The following KIF26B variants were observed in gnomAD, a reference collection of about 807,000 sequenced individuals.
KIF26B encodes the protein kinesin family member 26B.
A neutral mutation model predicts 151.2 loss-of-function variants in KIF26B; 63 were observed. That is an observed-to-expected ratio of 0.42 (90% CI 0.34 to 0.51). The LOEUF is 0.51. Ranked by LOEUF, KIF26B falls within the 20% of genes least tolerant of loss-of-function variation. The probability of loss-of-function intolerance (pLI) is 0.07; values close to 1 mark genes in which losing one functional copy is unlikely to be tolerated. For missense variants in KIF26B, 2,813 were observed against 2,913.6 expected (o/e 0.97, Z 0.79); for synonymous variants, 1,357 against 1,262.1 (o/e 1.08, Z -1.59).
Position 245,698,963 on chromosome 1 carries a change from A to G in KIF26B, c.6104A>G (p.Tyr2035Cys), listed in dbSNP as rs2044733392. The change falls in exon 14 of 15, where the codon TAC (tyrosine) becomes TGC (cysteine). Residue 2035 changes from tyrosine (Y) to cysteine (C), a missense_variant. By Grantham distance (194) the Tyr-to-Cys change is radical. Around this residue, in one of 3 missense-constraint regions of KIF26B, gnomAD observed 2,060 missense variants for 2,088.6 expected, o/e 0.99. Coordinates refer to ENST00000407071, the MANE Select transcript of KIF26B (RefSeq NM_018012.4). The surrounding 1 kb of genome is among the most constrained non-coding windows in gnomAD (Gnocchi z 4.0). ...AGGATCGCCGAGGTCCGCGCGAAGT[A>G]CGAGTGGCTGATGAAGGAGCTGGAG... ...QQRIAEVRAK[Y>C]EWLMKELEAT... is the part of the protein sequence containing the mutation. 1.2e-6 allele frequency: 2 copies of G among 1,614,054 alleles called. No individual in the cohort carries two copies. Among genetic ancestry groups the G allele is most frequent in the Non-Finnish European group, 8.5e-7 (1 of 1,179,900 alleles).
At position 245,218,741 on chromosome 1, in the gene KIF26B, G is replaced by T. The variant is rs1037087173; in HGVS notation, c.465+62058G>T. On this transcript the variant is annotated intron_variant, in intron 2 of 14. Coordinates refer to ENST00000407071, the MANE Select transcript of KIF26B (RefSeq NM_018012.4). The surrounding 1 kb of genome is among the most constrained non-coding windows in gnomAD (Gnocchi z 4.1). The stretch of plus-strand genomic sequence containing the variant: ...AAGCAAATATACATGGTACCTTGCC[G>T]TAGGGGGGCTTTATGTTTCTAAATC... 7.2e-5 allele frequency among the ~76,000 whole-genome samples: 11 copies of T among 152,274 alleles called. 3 individuals are homozygous for T. Among genetic ancestry groups the T allele is most frequent in the Admixed American group, 5.9e-4 (9 of 15,294 alleles).
chr1:245,657,577 T>C (rs2044088504), intron 10 of KIF26B, among the ~76,000 whole-genome samples: 1 of 152,152 alleles, frequency 6.6e-6, no homozygotes. Context: ...AACCCTTTTG[T>C]GGCCTATGGA....
intron 2 of KIF26B, among the ~76,000 whole-genome samples, chr1:245,174,885 T>G (rs1169184710): frequency 6.6e-6 from 1 of 152,208 alleles, no homozygotes; most frequent in South Asian, 2.1e-4. Context: ...TGCAGGTGTC[T>G]CATGCTTCCT....
At chr1:245,168,454 A>C (rs1668651207) in intron 2 of KIF26B, among the ~76,000 whole-genome samples, 1 of 152,264 alleles carries the variant, frequency 6.6e-6, no homozygotes, top group Non-Finnish European at 1.5e-5. Context: ...GAAATAGACA[A>C]ACAAAAGGAC....
chr1:245,288,545 G>A (rs994987015), intron 2 of KIF26B, among the ~76,000 whole-genome samples: 1 of 152,180 alleles, frequency 6.6e-6, no homozygotes, highest in East Asian at 1.9e-4. Context: ...AAAGATTGGG[G>A]GTCCATCAGG....
At chr1:245,204,251 A>G (rs970324031) in intron 2 of KIF26B, among the ~76,000 whole-genome samples, 1 of 152,204 alleles carries the variant, frequency 6.6e-6, no homozygotes, top group Non-Finnish European at 1.5e-5. Context: ...GGCTTCATGG[A>G]TGGTAATAAT....
At chr1:245,528,305 A>G (rs964194701) in intron 4 of KIF26B, among the ~76,000 whole-genome samples, 7 of 152,186 alleles carry the variant, frequency 4.6e-5, no homozygotes, top group African/African-American at 1.7e-4. Flanking sequence ...AGGCGTGGCC[A>G]GGTCATCAGT....
intron 5 of KIF26B, among the ~76,000 whole-genome samples, chr1:245,593,939 T>C (rs2043315801): frequency 1.3e-5 from 2 of 152,250 alleles, no homozygotes; most frequent in South Asian, 4.1e-4. Context: ...TGAGCTTTTT[T>C]TCATATGTTT....
chr1:245,604,641 T>G (rs2043430588), intron 6 of KIF26B, among the ~76,000 whole-genome samples: 2 of 152,210 alleles, frequency 1.3e-5, no homozygotes, highest in Admixed American at 6.5e-5. Context: ...AAATCAAGCA[T>G]GGACTATGAA....
At chr1:245,474,709 A>T (rs1191211882) in intron 4 of KIF26B, among the ~76,000 whole-genome samples, 1 of 151,744 alleles carries the variant, frequency 6.6e-6, no homozygotes, top group Non-Finnish European at 1.5e-5. Context: ...CACCGCACGC[A>T]GCCTCAAACA....
chr1:245,674,301 T>G (rs1203494050), intron 10 of KIF26B, among the ~76,000 whole-genome samples: 1 of 152,064 alleles, frequency 6.6e-6, no homozygotes, highest in East Asian at 1.9e-4. Flanking sequence ...AAAAAAAAAT[T>G]TAAAAGGAAG....
At chr1:245,397,996 G>T (rs1018247626) in intron 3 of KIF26B, among the ~76,000 whole-genome samples, 1 of 152,188 alleles carries the variant, frequency 6.6e-6, no homozygotes, top group Non-Finnish European at 1.5e-5. Context: ...CTAATGAGAA[G>T]AGTTATATAA....
At chr1:245,646,001 A>C (rs1333213708) in intron 9 of KIF26B, 120 bp from the exon 10 acceptor site, 1 of 1,062,896 alleles carries the variant, frequency 9.4e-7, no homozygotes, top group African/African-American at 1.6e-5. Context: ...TAGGTCATGA[A>C]CGTCAACCTT....
intron 2 of KIF26B, among the ~76,000 whole-genome samples, chr1:245,332,612 C>T (rs1221295552): frequency 6.6e-6 from 1 of 152,190 alleles, no homozygotes; most frequent in Non-Finnish European, 1.5e-5. Flanking sequence ...ACCCCCACTG[C>T]TGACATGTTG....
chr1:245,328,569 A>G (rs1274738105), intron 2 of KIF26B, among the ~76,000 whole-genome samples: 1 of 152,172 alleles, frequency 6.6e-6, no homozygotes, highest in Non-Finnish European at 1.5e-5. Flanking sequence ...CGGAATTCCT[A>G]GAGTGGCCAG....
intron 2 of KIF26B, among the ~76,000 whole-genome samples, chr1:245,219,198 A>G (rs1187746966): frequency 8.3e-6 from 1 of 121,196 alleles, no homozygotes; most frequent in African/African-American, 3.2e-5. Context: ...GAGTGCAGTG[A>G]TGCGATCTCA....
At chr1:245,658,411 CTTTT>C (rs1447971141) in intron 10 of KIF26B, among the ~76,000 whole-genome samples, 1 of 152,128 alleles carries the variant, frequency 6.6e-6, no homozygotes, top group Non-Finnish European at 1.5e-5. Flanking sequence ...GTTTTCTTTT[CTTTT>C]TGAGACAGGG....
rs570533452 is a variant in KIF26B at position 245,651,063 on chromosome 1, G to A, written c.2258+4783G>A. Among the ~76,000 whole-genome samples the A allele has an allele frequency of 2.6e-5, 4 of 152,272 alleles. No individual in the cohort carries two copies. In the South Asian group the frequency reaches 6.2e-4, roughly 24 times the overall value. ...CTGTGATCCAAGCTGCAGGCCACGA[G>A]CAAACACCGCAGGCAACATCCACTT... On this transcript the variant is annotated intron_variant, in intron 10 of 14. Transcript: ENST00000407071.
At chr1:245,643,975 G>A (rs148572710) in intron 9 of KIF26B, among the ~76,000 whole-genome samples, 1,693 of 152,152 alleles carry the variant, frequency 0.011, 11 homozygotes, top group Middle Eastern at 0.02. Flanking sequence ...CCTTGATATA[G>A]TTTCTTCCTT....
Sources: allele counts gnomAD v4.1 joint callset (sites outside exome capture counted in the v4.1 genomes callset), GRCh38; gene constraint gnomAD v4.1.1; regional missense constraint gnomAD v4.1.1; non-coding constraint Gnocchi (gnomAD v3.1); transcripts MANE v1.5; gene names NCBI Gene and HGNC (gene_info 2026-07-23, HGNC 2026-07-21).